The following SH3GL2 variants were observed in gnomAD, a reference collection of about 807,000 sequenced individuals.
SH3GL2 encodes the protein endophilin-A1.
SH3GL2 carries 24 observed loss-of-function variants against 46.0 expected under a neutral mutation model. That is an observed-to-expected ratio of 0.52 (90% CI 0.38 to 0.73). The LOEUF (loss-of-function observed/expected upper bound fraction) is 0.73. Ranked by LOEUF, SH3GL2 falls within the 30% of genes least tolerant of loss-of-function variation. The pLI is 0.00. For missense variants in SH3GL2, 413 were observed against 424.2 expected (o/e 0.97, Z 0.23); for synonymous variants, 196 against 147.1 (o/e 1.33, Z -2.40).
At chr9:17,794,744 T>A (rs1315009362) in intron 8 of SH3GL2, among the ~76,000 whole-genome samples, 1 of 152,220 alleles carries the variant, frequency 6.6e-6, no homozygotes, top group African/African-American at 2.4e-5. Context: ...ATTTCATCCT[T>A]CATTATTTTA....
intron 1 of SH3GL2, among the ~76,000 whole-genome samples, chr9:17,621,328 T>C (rs1250204822): frequency 6.6e-6 from 1 of 152,248 alleles, no homozygotes; most frequent in African/African-American, 2.4e-5. Flanking sequence ...CAAAATTAAC[T>C]TCTAGAAAGA....
At chr9:17,590,808 C>G (rs544804143) in intron 1 of SH3GL2, 10 of 152,336 alleles carry the variant, frequency 6.6e-5, no homozygotes, top group African/African-American at 2.2e-4. Context: ...CAGGGTCTCA[C>G]TCTGTCGCAG....
intron 1 of SH3GL2, among the ~76,000 whole-genome samples, chr9:17,685,171 A>T (rs375306476): frequency 2.0e-5 from 3 of 151,980 alleles, no homozygotes; most frequent in Non-Finnish European, 4.4e-5. Flanking sequence ...TTATGAGTGG[A>T]TGGAATCAAG....
rs532804910 is a variant in SH3GL2 at position 17,708,608 on chromosome 9, C to A, written c.46-38458C>A. 2.6e-5 allele frequency among the ~76,000 whole-genome samples: 4 copies of A among 152,020 alleles called. No individual in the cohort carries two copies. In the East Asian group the frequency reaches 7.8e-4, roughly 30 times the overall value. ...ACTAAATGTTCTTTAACCATGAACA[C>A]CTGGTCAGGTGTCTCTAGTGGCTTT... On this transcript the variant is annotated intron_variant, in intron 1 of 8. Transcript: ENST00000380607.
At chr9:17,739,267 G>C (rs563398737) in intron 1 of SH3GL2, among the ~76,000 whole-genome samples, 1 of 152,098 alleles carries the variant, frequency 6.6e-6, no homozygotes, top group South Asian at 2.1e-4. Flanking sequence ...TTATTAACCA[G>C]CTCAGAAATC....
At chr9:17,734,645 G>T (rs570630206) in intron 1 of SH3GL2, among the ~76,000 whole-genome samples, 3 of 152,118 alleles carry the variant, frequency 2.0e-5, no homozygotes, top group Admixed American at 1.3e-4. Context: ...AGTGATACAT[G>T]TCACAACATG....
intron 1 of SH3GL2, among the ~76,000 whole-genome samples, chr9:17,709,316 A>AT (rs1821557041): frequency 6.6e-6 from 1 of 152,064 alleles, no homozygotes; most frequent in African/African-American, 2.4e-5. Flanking sequence ...AACAGAGTGT[A>AT]TTAAAGCCTT....
chr9:17,746,144 C>T (rs760776118), intron 1 of SH3GL2, among the ~76,000 whole-genome samples: 14 of 152,066 alleles, frequency 9.2e-5, no homozygotes, highest in South Asian at 4.1e-4. Context: ...GTGGGATCTC[C>T]GCTCACTGCA....
intron 2 of SH3GL2, among the ~76,000 whole-genome samples, chr9:17,749,183 A>G (rs1378250127): frequency 6.6e-6 from 1 of 152,172 alleles, no homozygotes; most frequent in African/African-American, 2.4e-5. Flanking sequence ...TCATCTCTGG[A>G]TGGTTCTAAA....
At chr9:17,753,368 CTGT>C (rs1822901984) in intron 2 of SH3GL2, among the ~76,000 whole-genome samples, 1 of 152,086 alleles carries the variant, frequency 6.6e-6, no homozygotes, top group African/African-American at 2.4e-5. Context: ...TTGTCAGCAT[CTGT>C]TGTTTTTTGA....
At chr9:17,653,634 A>C (rs969186153) in intron 1 of SH3GL2, among the ~76,000 whole-genome samples, 3 of 152,166 alleles carry the variant, frequency 2.0e-5, no homozygotes, top group African/African-American at 7.2e-5. Context: ...CCAATGTGAT[A>C]GTACAAAGAG....
intron 1 of SH3GL2, among the ~76,000 whole-genome samples, chr9:17,680,261 G>C (rs1820733197): frequency 6.6e-6 from 1 of 152,040 alleles, no homozygotes; most frequent in African/African-American, 2.4e-5. Context: ...TCTGGTCCTG[G>C]GATTTTTTTG....
At chr9:17,674,291 G>T (rs1465246885) in intron 1 of SH3GL2, among the ~76,000 whole-genome samples, 1 of 152,062 alleles carries the variant, frequency 6.6e-6, no homozygotes, top group Non-Finnish European at 1.5e-5. Flanking sequence ...TTTTAAGACG[G>T]AGTCTCTCTC....
chr9:17,661,123 C>G (rs552396722), intron 1 of SH3GL2, among the ~76,000 whole-genome samples: 1 of 152,272 alleles, frequency 6.6e-6, no homozygotes, highest in African/African-American at 2.4e-5. Flanking sequence ...GATTGTACCA[C>G]TGCACTCCAG....
chr9:17,677,963 A>C (rs2118016281), intron 1 of SH3GL2, among the ~76,000 whole-genome samples: 1 of 152,208 alleles, frequency 6.6e-6, no homozygotes, highest in Non-Finnish European at 1.5e-5. Context: ...TGAACTCATC[A>C]TTTTTTATGG....
chr9:17,751,171 T>C (rs916275491), intron 2 of SH3GL2, among the ~76,000 whole-genome samples: 9 of 152,322 alleles, frequency 5.9e-5, no homozygotes, highest in African/African-American at 2.2e-4. Context: ...AAAAATGGGA[T>C]TCTTTTTAAG....
chr9:17,700,522 T>G (rs1004630652), intron 1 of SH3GL2, among the ~76,000 whole-genome samples: 1 of 152,218 alleles, frequency 6.6e-6, no homozygotes, highest in Non-Finnish European at 1.5e-5. Flanking sequence ...TGGAACTAAT[T>G]GCTGAATATT....
intron 3 of SH3GL2, among the ~76,000 whole-genome samples, chr9:17,771,959 C>A (rs3808670): frequency 0.44 from 66,461 of 151,940 alleles, 15,508 homozygotes; most frequent in East Asian, 0.79. Flanking sequence ...ACAAAAGAAA[C>A]AACATAGATG....
chr9:17,636,424 T>G (rs1819546642), intron 1 of SH3GL2, among the ~76,000 whole-genome samples: 1 of 152,170 alleles, frequency 6.6e-6, no homozygotes, highest in Non-Finnish European at 1.5e-5. Context: ...AAACTGTTTG[T>G]GTACGGAAAC....
Sources: gnomAD v4.1 joint callset for allele counts (sites outside exome capture counted in the v4.1 genomes callset) on GRCh38, gnomAD v4.1.1 for gene constraint, MANE v1.5 for transcripts, NCBI Gene and HGNC (gene_info 2026-07-23, HGNC 2026-07-21) for gene names.